Variants in PIWIL3 observed in about 807,000 individuals in gnomAD.
PIWIL3 encodes the protein piwi like RNA-mediated gene silencing 3.
A neutral mutation model predicts 109.7 loss-of-function variants in PIWIL3; 101 were observed. The ratio of observed to expected loss-of-function variants is 0.92; its 90% CI spans 0.78 to 1.09. The LOEUF (loss-of-function observed/expected upper bound fraction) is 1.09, where lower values mean the gene tolerates loss of function less well. Among genes scored for constraint, PIWIL3 ranks in the 50% least tolerant of loss-of-function variants. PIWIL3 has a pLI of 0.00. For synonymous variants in PIWIL3, 373 were observed against 376.4 expected (o/e 0.99, Z 0.10); for missense variants, 1,031 against 1,072.6 (o/e 0.96, Z 0.54).
At chr22:24,737,220 G>C (rs1923708557) in intron 12 of PIWIL3, among the ~76,000 whole-genome samples, 1 of 152,222 alleles carries the variant, frequency 6.6e-6, no homozygotes, top group African/African-American at 2.4e-5. Flanking sequence ...GAAGAGTGAA[G>C]ACTTTGTCTT....
intron 14 of PIWIL3, among the ~76,000 whole-genome samples, chr22:24,729,184 G>A (rs1923182514): frequency 6.6e-6 from 1 of 152,104 alleles, no homozygotes; most frequent in Non-Finnish European, 1.5e-5. Context: ...CACAGATAAG[G>A]GAAATTTCTT....
At chr22:24,737,979 C>A (rs904874168) in intron 12 of PIWIL3, among the ~76,000 whole-genome samples, 2 of 152,034 alleles carry the variant, frequency 1.3e-5, no homozygotes, top group Non-Finnish European at 2.9e-5. Context: ...GATGAAACCC[C>A]GTCTTCTACT....
rs1925189134 is a variant in PIWIL3 at position 24,757,914 on chromosome 22, T to C, written c.349A>G (p.Lys117Glu). 6.2e-7 allele frequency: 1 copy of C among 1,605,012 alleles called. No homozygotes were observed. The highest frequency in any genetic ancestry group is 2.2e-5 in the East Asian group (1 of 44,826). Residue 117 changes from lysine (K) to glutamate (E), a missense_variant, in exon 4 of 21, where the codon AAA (lysine) becomes GAA (glutamate). By Grantham distance (56) the Lys-to-Glu change is moderately conservative. Transcript: ENST00000616349. The part of the protein sequence containing the change: ...RQDMKHVKDS[K>E]TGSEGTVVQL... ...GAGTTCTAGACCAACATACCTGTTT[T>C]TGAGTCTTTAACATGCTTCATATCT...
intron 9 of PIWIL3, among the ~76,000 whole-genome samples, chr22:24,750,506 G>A (rs573194286): frequency 0.016 from 767 of 48,824 alleles, 7 homozygotes; most frequent in Admixed American, 0.024. Context: ...TTTTTTTTTT[G>A]AGATGGAGTT....
intron 1 of PIWIL3, among the ~76,000 whole-genome samples, chr22:24,766,515 G>T (rs1272329071): frequency 1.3e-5 from 2 of 151,720 alleles, no homozygotes; most frequent in Non-Finnish European, 2.9e-5. Context: ...GTAGAGACGG[G>T]GTTTCGCCAT....
In PIWIL3 at chr22:24,719,778, A is replaced by G. The variant is rs1022445001; in HGVS notation, c.2475T>C (p.Tyr825=). 6.2e-7 allele frequency: 1 copy of G among 1,613,194 alleles called. No individual in the cohort carries two copies. The highest frequency in any genetic ancestry group is 1.3e-5 in the African/African-American group (1 of 75,034). Residue 825 remains tyrosine, a synonymous_variant, in exon 20 of 21, where the codon TAT becomes TAC. Transcript: ENST00000616349. ...AATTATAATACATGTGGCATAGACA[A>G]TATGTTAAACGCTGTACTGTATCTG... ...LSPDTVQRLT[Y]CLCHMYYNLP... is the part of the protein sequence containing the mutation.
At chr22:24,747,711 A>G (rs1924458792) in intron 12 of PIWIL3, among the ~76,000 whole-genome samples, 1 of 152,220 alleles carries the variant, frequency 6.6e-6, no homozygotes, top group African/African-American at 2.4e-5. Context: ...GATCAGAGAA[A>G]TGCAAATCAA....
At chr22:24,758,138 T>C (rs1925205003) in intron 3 of PIWIL3, 99 bp from the exon 4 acceptor site, 1 of 1,360,470 alleles carries the variant, frequency 7.4e-7, no homozygotes, top group Non-Finnish European at 1.0e-6. Context: ...GTAGAAAAGA[T>C]GCCACCCAAG....
At chr22:24,771,711 G>A (rs781097640) in intron 1 of PIWIL3, among the ~76,000 whole-genome samples, 12 of 151,156 alleles carry the variant, frequency 7.9e-5, no homozygotes, top group Non-Finnish European at 1.3e-4. Context: ...AAAGATTCAG[G>A]ATTGAAGACT....
chr22:24,753,903 T>C, intron 8 of PIWIL3, 111 bp downstream of exon 8: 1 of 914,126 alleles, frequency 1.1e-6, no homozygotes. Flanking sequence ...TTCTTGCAAT[T>C]TCTACTCCTC....
At chr22:24,774,024 G>T (rs1338853201) in intron 1 of PIWIL3, among the ~76,000 whole-genome samples, 2 of 152,042 alleles carry the variant, frequency 1.3e-5, no homozygotes, top group Non-Finnish European at 2.9e-5. Context: ...AGATGCTCTA[G>T]ATTTTTAAAA....
chr22:24,730,493 A>G (rs937816481), intron 14 of PIWIL3, among the ~76,000 whole-genome samples: 1 of 152,120 alleles, frequency 6.6e-6, no homozygotes, highest in African/African-American at 2.4e-5. Flanking sequence ...GAAGCAGCAT[A>G]TCATGCACAC....
rs139185606 is a variant in PIWIL3, at chr22:24,722,896, G to A, written c.2357+234C>T. On this transcript the variant is annotated intron_variant, in intron 19 of 20. Coordinates refer to ENST00000616349, the MANE Select transcript of PIWIL3 (RefSeq NM_001255975.1). ...GGGCCACACTGAAGTTAAATCTTAC[G>A]TGGTCACAGACATTTACAAAAGTTT... Among the ~76,000 whole-genome samples the A allele has an allele frequency of 4.8e-4, 73 of 152,106 alleles. No individual in the cohort carries two copies. The East Asian group carries it at 0.013, about 27-fold the overall frequency.
chr22:24,719,720 G>A, intron 20 of PIWIL3, 28 bp downstream of exon 20: 2 of 1,592,368 alleles, frequency 1.3e-6, no homozygotes, highest in Non-Finnish European at 8.6e-7. Context: ...TAAAAAATCT[G>A]AAGAAAAAAG....
chr22:24,749,602 T>TAC, intron 10 of PIWIL3, 81 bp from the exon 11 acceptor site: 1 of 1,610,572 alleles, frequency 6.2e-7, no homozygotes, highest in Non-Finnish European at 8.5e-7. Flanking sequence ...AGGAACCTAC[T>TAC]ACCAAGGAGA....
intron 12 of PIWIL3, among the ~76,000 whole-genome samples, chr22:24,746,952 T>C (rs1924411185): frequency 6.6e-6 from 1 of 152,016 alleles, no homozygotes; most frequent in South Asian, 2.1e-4. Context: ...ATACCAAGGG[T>C]ATTCTTTATA....
At chr22:24,760,236 G>A (rs1007058182) in intron 2 of PIWIL3, among the ~76,000 whole-genome samples, 1 of 152,178 alleles carries the variant, frequency 6.6e-6, no homozygotes, top group African/African-American at 2.4e-5. Context: ...GGTGTGAAGG[G>A]GCAGGTTTCA....
In PIWIL3 at chr22:24,757,637, C is replaced by CACACACACACACAT. The variant is rs371066474; in HGVS notation, c.355+270_355+271insATGTGTGTGTGTGT. 4.5e-4 allele frequency among the ~76,000 whole-genome samples: 55 copies of CACACACACACACAT among 122,820 alleles called. 2 individuals are homozygous for CACACACACACACAT. The highest frequency in any genetic ancestry group is 1.0e-3 in the Admixed American group (13 of 12,550). The allele number at this position is 122,820 out of a possible 152,430, so 80.6% of individuals were successfully genotyped here. On this transcript the variant is annotated intron_variant, in intron 4 of 20. Coordinates refer to ENST00000616349, the MANE Select transcript of PIWIL3 (RefSeq NM_001255975.1). ...ACATACACACACACACACACACACA[C>CACACACACACACAT]ATATATAAAATATGTATATATTACA...
At chr22:24,762,598 A>C in intron 1 of PIWIL3, 77 bp from the exon 2 acceptor site, 1 of 1,186,246 alleles carries the variant, frequency 8.4e-7, no homozygotes. Context: ...CTACAACAGA[A>C]TATCTGAGGC....
Sources: allele counts gnomAD v4.1 joint callset (sites outside exome capture counted in the v4.1 genomes callset), GRCh38; gene constraint gnomAD v4.1.1; transcripts MANE v1.5; gene names NCBI Gene and HGNC (gene_info 2026-07-23, HGNC 2026-07-21).